Variants in ERP44 observed in about 807,000 individuals in gnomAD.
ERP44 encodes endoplasmic reticulum resident protein 44.
Under a neutral mutation model 53.4 loss-of-function variants are expected in ERP44, and 25 were observed. The observed-to-expected ratio is 0.47, with a 90% CI of 0.34 to 0.65. ERP44 has a LOEUF of 0.65. Among genes scored for constraint, ERP44 ranks in the 30% least tolerant of loss-of-function variants. The probability of loss-of-function intolerance (pLI) is 0.01; values close to 1 mark genes in which losing one functional copy is unlikely to be tolerated. For synonymous variants in ERP44, 145 were observed against 161.2 expected (o/e 0.90, Z 0.76); for missense variants, 338 against 493.2 (o/e 0.69, Z 2.98).
chr9:100,067,615 C>A (rs980473289), intron 1 of ERP44, among the ~76,000 whole-genome samples: 1 of 152,174 alleles, frequency 6.6e-6, no homozygotes, highest in African/African-American at 2.4e-5. Context: ...GCCGCCACCC[C>A]GTCTGGGAAG....
chr9:100,051,298 G>A (rs1032941505), intron 4 of ERP44, among the ~76,000 whole-genome samples: 7 of 152,112 alleles, frequency 4.6e-5, no homozygotes, highest in South Asian at 2.1e-4. Flanking sequence ...ATTCAAATTC[G>A]GGCTTTACCA....
chr9:100,095,669 G>A (rs1210085128), intron 1 of ERP44, among the ~76,000 whole-genome samples: 3 of 151,970 alleles, frequency 2.0e-5, no homozygotes, highest in African/African-American at 7.3e-5. Context: ...ATTGGGCCCC[G>A]ATATCATTTT....
chr9:99,996,116 T>G (rs1423480272), intron 10 of ERP44, among the ~76,000 whole-genome samples: 1 of 152,134 alleles, frequency 6.6e-6, no homozygotes, highest in Non-Finnish European at 1.5e-5. Flanking sequence ...AACCTCATTT[T>G]GAAATTTTAT....
chr9:100,072,384 G>A (rs1487532487), intron 1 of ERP44, among the ~76,000 whole-genome samples: 2 of 152,058 alleles, frequency 1.3e-5, no homozygotes, highest in Non-Finnish European at 2.9e-5. Flanking sequence ...GTAAGCATTG[G>A]CACAATTAGG....
chr9:100,094,580 C>A (rs1826601733), intron 1 of ERP44, among the ~76,000 whole-genome samples: 2 of 152,000 alleles, frequency 1.3e-5, no homozygotes, highest in South Asian at 4.1e-4. Context: ...ATCACTTGAA[C>A]CCAGGAGACA....
intron 5 of ERP44, among the ~76,000 whole-genome samples, chr9:100,021,407 T>C (rs1343629570): frequency 6.6e-6 from 1 of 152,180 alleles, no homozygotes; most frequent in Non-Finnish European, 1.5e-5. Flanking sequence ...CTTGCTGTGA[T>C]GTGAGCAATA....
intron 5 of ERP44, 105 bp from the exon 6 acceptor site, chr9:100,020,836 C>A: frequency 3.3e-6 from 2 of 611,002 alleles, no homozygotes; most frequent in South Asian, 2.1e-5. Context: ...AGTCATTGTT[C>A]AAATGAAGTA....
At chr9:100,093,231 G>C (rs552214626) in intron 1 of ERP44, among the ~76,000 whole-genome samples, 2 of 152,220 alleles carry the variant, frequency 1.3e-5, no homozygotes, top group East Asian at 3.9e-4. Context: ...CATCTCCAAG[G>C]GTTTTTACAA....
chr9:100,095,298 G>C (rs565971855), intron 1 of ERP44, among the ~76,000 whole-genome samples: 3 of 152,228 alleles, frequency 2.0e-5, no homozygotes, highest in Admixed American at 6.5e-5. Flanking sequence ...AATGCTACAG[G>C]ACAGAGGATC....
chr9:100,039,898 G>T (rs539109681), intron 4 of ERP44, among the ~76,000 whole-genome samples: 23 of 152,214 alleles, frequency 1.5e-4, no homozygotes, highest in African/African-American at 5.5e-4. Flanking sequence ...GCAACTATTT[G>T]CCAATAAATT....
chr9:100,068,773 G>A (rs1301781171), intron 1 of ERP44, among the ~76,000 whole-genome samples: 2 of 152,184 alleles, frequency 1.3e-5, no homozygotes, highest in East Asian at 1.9e-4. Context: ...CCGGCCAGCC[G>A]CCCCGTCTGG....
intron 10 of ERP44, among the ~76,000 whole-genome samples, chr9:99,997,895 C>T (rs1356017471): frequency 1.3e-5 from 2 of 152,092 alleles, no homozygotes; most frequent in Non-Finnish European, 2.9e-5. Flanking sequence ...CCGAGAAGCA[C>T]AAGCGACTGA....
rs1298024207 is a variant in ERP44, at chr9:100,007,786, G to A, written c.763-97C>T. ...CAATTTTGAACCCAACCCATGTAAT[G>A]CAATAGTTGCAATATCCCGGGGGAA... is the stretch of plus-strand genomic sequence containing the variant. On this transcript the variant is annotated intron_variant, in intron 8 of 11. Transcript: ENST00000262455. 3.5e-5 allele frequency: 25 copies of A among 716,180 alleles called. No homozygotes were observed. In the East Asian group the frequency reaches 5.9e-4, roughly 17 times the overall value. 44.4% of individuals were successfully genotyped at this position (716,180 alleles called of 1,614,324 possible).
rs375854395 is a variant in ERP44 at position 100,096,209 on chromosome 9, C to G, written c.57+2575G>C. Among the ~76,000 whole-genome samples the G allele has an allele frequency of 5.3e-5, 8 of 152,180 alleles. No homozygotes were observed. In the East Asian group the frequency reaches 1.3e-3, roughly 26 times the overall value. On this transcript the variant is annotated intron_variant, in intron 1 of 11. Coordinates refer to ENST00000262455, the MANE Select transcript of ERP44 (RefSeq NM_015051.3). ...TCCAATTTAGTCTTATTTCTCTTAT[C>G]TCGCCTTTTCAAAACTTGTACACAA...
chr9:99,998,397 G>C, intron 10 of ERP44: 1 of 631,906 alleles, frequency 1.6e-6, no homozygotes, highest in South Asian at 1.9e-5. Context: ...GGATCATACA[G>C]CTGCAAGGCC....
At chr9:100,026,835 T>C (rs1830658010) in intron 4 of ERP44, among the ~76,000 whole-genome samples, 1 of 152,186 alleles carries the variant, frequency 6.6e-6, no homozygotes, top group Non-Finnish European at 1.5e-5. Flanking sequence ...AGAGAGGATA[T>C]GAGATGGACT....
At chr9:100,092,023 A>T (rs757383160) in intron 1 of ERP44, among the ~76,000 whole-genome samples, 92 of 152,342 alleles carry the variant, frequency 6.0e-4, no homozygotes, top group Non-Finnish European at 9.3e-4. Context: ...CATGATATGC[A>T]TCTCAATGAT....
At chr9:100,040,420 T>A (rs564646008) in intron 4 of ERP44, among the ~76,000 whole-genome samples, 3 of 152,304 alleles carry the variant, frequency 2.0e-5, no homozygotes, top group Non-Finnish European at 4.4e-5. Context: ...AAAAAACATA[T>A]GATTATTTCA....
Position 100,035,971 on chromosome 9 carries a change from T to C in ERP44, c.287-13745A>G, listed in dbSNP as rs190749946. ...ATGGGAAAGTAAACTACTCCAACTG[T>C]GGAGAGCAGTGTGGAGATTTCACAA... On this transcript the variant is annotated intron_variant, in intron 4 of 11. Transcript: ENST00000262455. 3.7e-3 allele frequency among the ~76,000 whole-genome samples: 570 copies of C among 152,288 alleles called. 4 individuals are homozygous for C. The highest frequency in any genetic ancestry group is 0.012 in the African/African-American group (519 of 41,560).
Sources: gnomAD v4.1 joint callset for allele counts (sites outside exome capture counted in the v4.1 genomes callset) on GRCh38, gnomAD v4.1.1 for gene constraint, MANE v1.5 for transcripts, NCBI Gene and HGNC (gene_info 2026-07-23, HGNC 2026-07-21) for gene names.